Variants in GABRB3 observed in about 807,000 individuals in gnomAD.
GABRB3 encodes gamma-aminobutyric acid type A receptor subunit beta3.
In GABRB3, 14 loss-of-function variants were observed where a neutral mutation model predicts 52.1. That is an observed-to-expected ratio of 0.27 (90% CI 0.18 to 0.42). The LOEUF is 0.42. GABRB3 is among the 10% of genes least tolerant of loss of function. The pLI is 1.00. For missense variants in GABRB3, 307 were observed against 609.1 expected, an observed-to-expected ratio of 0.50 and a Z score of 5.22; for synonymous variants, 260 against 232.3, an observed-to-expected ratio of 1.12 and a Z score of -1.08.
chr15:26,584,489 T>C (rs1043216212), intron 4 of GABRB3, among the ~76,000 whole-genome samples: 1 of 152,236 alleles, frequency 6.6e-6, no homozygotes, highest in African/African-American at 2.4e-5. Flanking sequence ...ATTGTTTTAC[T>C]GTGTGATCAT....
chr15:26,660,283 T>C (rs1887499980), intron 3 of GABRB3, among the ~76,000 whole-genome samples: 1 of 151,332 alleles, frequency 6.6e-6, no homozygotes, highest in Non-Finnish European at 1.5e-5. Flanking sequence ...GACACTAGGA[T>C]CCTCTAGATA....
rs1053302761 is a variant in GABRB3 at position 26,772,250 on chromosome 15, C to A, written c.240+152G>T. Reference sequence around the variant, plus strand: ...GGGCGGGTGCAGGGAGCCGGGCAAGCGAGGGGCCGGCGCCTGGGAGCGCGG... The same window carrying A: ...GGGCGGGTGCAGGGAGCCGGGCAAGAGAGGGGCCGGCGCCTGGGAGCGCGG... On this transcript the variant is annotated intron_variant, in intron 3 of 8. Coordinates refer to ENST00000311550, the MANE Select transcript of GABRB3 (RefSeq NM_000814.6). 1.0e-4 allele frequency: 63 copies of A among 630,350 alleles called. No homozygotes were observed. The African/African-American group carries it at 1.2e-3, about 12-fold the overall frequency. The allele number at this position is 630,350 out of a possible 1,614,324, so 39.0% of individuals were successfully genotyped here. A position where few individuals can be genotyped will look rare whatever the true frequency, so the allele number is the denominator to read the frequency against.
intron 3 of GABRB3, among the ~76,000 whole-genome samples, chr15:26,637,762 G>A (rs549178586): frequency 3.9e-5 from 6 of 152,280 alleles, no homozygotes; most frequent in African/African-American, 1.2e-4. Context: ...AAGCATTAGC[G>A]AGACAGACAC....
intron 3 of GABRB3, among the ~76,000 whole-genome samples, chr15:26,768,740 A>G: frequency 6.6e-6 from 1 of 152,206 alleles, no homozygotes; most frequent in Non-Finnish European, 1.5e-5. Flanking sequence ...ACAGGGGCTA[A>G]GAGAAACAAG....
intron 4 of GABRB3, among the ~76,000 whole-genome samples, chr15:26,607,450 T>C (rs1891879061): frequency 1.3e-5 from 2 of 152,098 alleles, no homozygotes; most frequent in South Asian, 4.1e-4. Context: ...CACACACCTT[T>C]AGTGACAGCT....
chr15:26,628,046 G>C (rs1263305446), intron 3 of GABRB3, among the ~76,000 whole-genome samples: 3 of 152,200 alleles, frequency 2.0e-5, no homozygotes, highest in Admixed American at 6.5e-5. Context: ...CCAGCAAAAA[G>C]ATCATGACTC....
intron 4 of GABRB3, among the ~76,000 whole-genome samples, chr15:26,601,255 C>T (rs1405542611): frequency 3.3e-5 from 5 of 152,020 alleles, no homozygotes; most frequent in Non-Finnish European, 7.4e-5. Context: ...AACCCGGTCC[C>T]CACTAAAAAT....
chr15:26,662,217 A>C (rs1448849550), intron 3 of GABRB3, among the ~76,000 whole-genome samples: 1 of 152,218 alleles, frequency 6.6e-6, no homozygotes, highest in African/African-American at 2.4e-5. Flanking sequence ...CATACAAAGA[A>C]AATAGGCATT....
intron 7 of GABRB3, among the ~76,000 whole-genome samples, chr15:26,567,110 G>A (rs1890206608): frequency 6.6e-6 from 1 of 152,082 alleles, no homozygotes; most frequent in Non-Finnish European, 1.5e-5. Flanking sequence ...CAATGGTCAG[G>A]AAAGATCACT....
chr15:26,772,441 G>T lies in GABRB3; in HGVS notation c.201C>A (p.Ile67=). ...AAACCATGTCGATGCTGGCGATGTC[G>T]ATGTTCATCCCCACGCAGACCGGGG... ...GGPPVCVGMN[I]DIASIDMVSE... The change falls in exon 3 of 9, where the codon ATC becomes ATA. Residue 67 remains isoleucine (I), a synonymous_variant. Coordinates refer to ENST00000311550, the MANE Select transcript of GABRB3 (RefSeq NM_000814.6). 6.2e-7 allele frequency: 1 copy of T among 1,610,948 alleles called. No individual in the cohort carries two copies. Among genetic ancestry groups the T allele is most frequent in the Non-Finnish European group, 8.5e-7 (1 of 1,178,566 alleles).
Position 26,546,744 on chromosome 15 carries a change from C to G in GABRB3, c.*1049G>C, listed in dbSNP as rs907172844. On this transcript the variant is annotated 3_prime_UTR_variant, in exon 9 of 9. Coordinates refer to ENST00000311550, the MANE Select transcript of GABRB3 (RefSeq NM_000814.6). ...CTGCCATGATAGCAAGCGTAAGAAA[C>G]AAAATCTTGGTAAATATACATATAT... The G allele has an allele frequency of 6.6e-6, 1 of 151,918 alleles. No homozygotes were observed. Among genetic ancestry groups the G allele is most frequent in the Admixed American group, 6.6e-5 (1 of 15,192 alleles). 9.4% of individuals were successfully genotyped at this position (151,918 alleles called of 1,614,324 possible).
intron 3 of GABRB3, among the ~76,000 whole-genome samples, chr15:26,664,704 G>GTTTTTTTTTTTTTTTTTTTT (rs1162139952): frequency 2.1e-5 from 2 of 95,224 alleles, no homozygotes; most frequent in Non-Finnish European, 3.8e-5. Context: ...TCTTTTCTTT[G>GTTTTTTTTTTTTTTTTTTTT]TTTTTTTTTT....
At chr15:26,616,039 C>T in intron 4 of GABRB3, 1 of 1,289,216 alleles carries the variant, frequency 7.8e-7, no homozygotes, top group Non-Finnish European at 1.0e-6. Context: ...GCCAGACCTC[C>T]TCCAGGCCAG....
intron 3 of GABRB3, among the ~76,000 whole-genome samples, chr15:26,646,488 T>G (rs1418312059): frequency 6.6e-6 from 1 of 152,198 alleles, no homozygotes; most frequent in Non-Finnish European, 1.5e-5. Context: ...TTATTTCCAC[T>G]TTAGGGAAAT....
At chr15:26,659,673 A>G (rs1887479464) in intron 3 of GABRB3, among the ~76,000 whole-genome samples, 1 of 152,190 alleles carries the variant, frequency 6.6e-6, no homozygotes, top group South Asian at 2.1e-4. Flanking sequence ...CTGAATAGAG[A>G]GTAGAAAGAG....
intron 3 of GABRB3, among the ~76,000 whole-genome samples, chr15:26,640,503 C>T (rs528704694): frequency 1.3e-5 from 2 of 151,918 alleles, no homozygotes; most frequent in South Asian, 2.1e-4. Flanking sequence ...GGCGACAGAG[C>T]GAGACTCCGT....
Position 26,633,366 on chromosome 15 carries a change from G to A in GABRB3, c.241-11832C>T, listed in dbSNP as rs1207540856. On this transcript the variant is annotated intron_variant, in intron 3 of 8. Transcript: ENST00000311550. The stretch of plus-strand genomic sequence containing the variant: ...ACAGCCACCCTTCCAGTGCTCCAGG[G>A]CTCACCTCCCACCCACTCTCTCTTC... Among the ~76,000 whole-genome samples the A allele has an allele frequency of 2.0e-5, 3 of 152,178 alleles. No homozygotes were observed. The East Asian group carries it at 5.8e-4, about 29-fold the overall frequency.
intron 7 of GABRB3, 59 bp from the exon 8 acceptor site, chr15:26,561,235 C>A: frequency 6.2e-7 from 1 of 1,606,988 alleles, no homozygotes; most frequent in South Asian, 1.1e-5. Flanking sequence ...CTTCACTTTT[C>A]ACTTTCCTTT....
intron 8 of GABRB3, 117 bp from the exon 9 acceptor site, chr15:26,548,251 A>G: frequency 1.2e-6 from 1 of 837,274 alleles, no homozygotes; most frequent in East Asian, 2.5e-5. Context: ...GAAACTGTAC[A>G]TCTGTCAAAT....
Sources: allele counts gnomAD v4.1 joint callset (sites outside exome capture counted in the v4.1 genomes callset), GRCh38; gene constraint gnomAD v4.1.1; transcripts MANE v1.5; gene names NCBI Gene and HGNC (gene_info 2026-07-23, HGNC 2026-07-21).